The following LARP1 variants were observed in gnomAD, a reference collection of about 807,000 sequenced individuals.
LARP1 encodes la-related protein 1.
Under a neutral mutation model 122.7 loss-of-function variants are expected in LARP1, and 36 were observed. That is an observed-to-expected ratio of 0.29 (90% CI 0.22 to 0.39). LARP1 has a LOEUF of 0.39. Ranked by LOEUF, LARP1 falls within the 10% of genes least tolerant of loss-of-function variation. The pLI is 1.00. For synonymous variants in LARP1, 539 were observed against 528.7 expected, an observed-to-expected ratio of 1.02 and a Z score of -0.27; for missense variants, 1,040 against 1,403.6, an observed-to-expected ratio of 0.74 and a Z score of 4.14.
chr5:154,688,065 T>G (rs1316383834), intron 1 of LARP1, among the ~76,000 whole-genome samples: 1 of 152,030 alleles, frequency 6.6e-6, no homozygotes, highest in Non-Finnish European at 1.5e-5. Flanking sequence ...GGCCAAGAAG[T>G]GAGTTGCCAC....
At chr5:154,713,260 C>T in intron 1 of LARP1, 1 of 699,134 alleles carries the variant, frequency 1.4e-6, no homozygotes, top group Non-Finnish European at 2.4e-6. Flanking sequence ...CGAGTCACTC[C>T]AGCTCTCTGA....
At position 154,723,362 on chromosome 5, in the gene LARP1, C is replaced by T. The variant is rs141814006; in HGVS notation, c.205+10232C>T. Among the ~76,000 whole-genome samples, 445 of 152,288 alleles carry T rather than the reference C, an allele frequency of 2.9e-3. 1 individual carries two copies. Among genetic ancestry groups the T allele is most frequent in the African/African-American group, 0.01 (432 of 41,546 alleles). ...TGGAGACTGGGGCAGCCAGAGCCCACGGTCCTGCTGGGATAGTCACCTTCA... is the reference window on the plus strand; with the variant it reads ...TGGAGACTGGGGCAGCCAGAGCCCATGGTCCTGCTGGGATAGTCACCTTCA... On this transcript the variant is annotated intron_variant, in intron 1 of 18. Coordinates refer to the LARP1 transcript ENST00000336314.
At chr5:154,734,618 TAC>T (rs2113422379) in intron 1 of LARP1, among the ~76,000 whole-genome samples, 1 of 152,294 alleles carries the variant, frequency 6.6e-6, no homozygotes, top group East Asian at 1.9e-4. Flanking sequence ...AGGGGGCGTA[TAC>T]AGGCAAATGT....
intron 1 of LARP1, among the ~76,000 whole-genome samples, chr5:154,745,335 G>A (rs1297774629): frequency 6.6e-6 from 1 of 152,134 alleles, no homozygotes; most frequent in African/African-American, 2.4e-5. Flanking sequence ...TTTAAAATGA[G>A]GTGACACTTG....
At chr5:154,778,622 A>G (rs556321851) in intron 1 of LARP1, among the ~76,000 whole-genome samples, 86 of 152,368 alleles carry the variant, frequency 5.6e-4, no homozygotes, top group Admixed American at 1.0e-3. Flanking sequence ...ACTGTGGATG[A>G]TAGGATTCTG....
chr5:154,786,895 T>G (rs12186610), intron 1 of LARP1, among the ~76,000 whole-genome samples: 15,010 of 151,538 alleles, frequency 0.099, 789 homozygotes, highest in Admixed American at 0.15. Flanking sequence ...TTTTTTTTTT[T>G]GGGATGGAAT....
chr5:154,723,386 C>A (rs1756002255), intron 1 of LARP1, among the ~76,000 whole-genome samples: 1 of 152,184 alleles, frequency 6.6e-6, no homozygotes, highest in South Asian at 2.1e-4. Context: ...TAGTCACCTT[C>A]AGGCCTCAAA....
At chr5:154,809,700 T>A (rs1759097260) in intron 16 of LARP1, among the ~76,000 whole-genome samples, 1 of 138,934 alleles carries the variant, frequency 7.2e-6, no homozygotes, top group African/African-American at 2.7e-5. Context: ...ATACTATTTC[T>A]TTTTTTTTTT....
chr5:154,690,667 A>T (rs6580104), intron 1 of LARP1, among the ~76,000 whole-genome samples: 2 of 151,970 alleles, frequency 1.3e-5, no homozygotes, highest in East Asian at 3.9e-4. Flanking sequence ...GAGGCTTTGT[A>T]CCCCCAGCTG....
At chr5:154,793,478 A>T (rs947553561) in intron 4 of LARP1, 117 bp from the exon 5 acceptor site, 6 of 1,304,000 alleles carry the variant, frequency 4.6e-6, no homozygotes, top group African/African-American at 1.5e-5. Flanking sequence ...GATCTGCCCA[A>T]GGTAACCAGA....
At position 154,793,704 on chromosome 5, in the gene LARP1, C is replaced by A; in HGVS notation, c.849C>A (p.Ala283=). Residue 283 remains alanine (A), a synonymous_variant, in exon 5 of 19, where the codon GCC becomes GCA. Transcript: ENST00000518297. ...TRPPEPRHIP[A]NRGEIKGSES... ...CACCGGAGCCTAGACACATACCTGC[C>A]AATCGCGGAGAGATCAAAGGTATGC... is the stretch of plus-strand genomic sequence containing the variant. The A allele has an allele frequency of 6.2e-7, 1 of 1,614,214 alleles. No homozygotes were observed. The highest frequency in any genetic ancestry group is 1.3e-5 in the African/African-American group (1 of 75,054).
At chr5:154,779,358 A>G (rs1756209823) in intron 1 of LARP1, among the ~76,000 whole-genome samples, 1 of 152,152 alleles carries the variant, frequency 6.6e-6, no homozygotes, top group South Asian at 2.1e-4. Context: ...TACTTAATTG[A>G]TGATGGCTCT....
upstream of LARP1, among the ~76,000 whole-genome samples, chr5:154,753,732 G>A (rs990596570): frequency 2.6e-5 from 4 of 152,312 alleles, no homozygotes; most frequent in East Asian, 7.7e-4. Flanking sequence ...GCTGGCCAAG[G>A]CTTGGAGGCT....
At chr5:154,712,035 C>T (rs1363592910), upstream of LARP1, among the ~76,000 whole-genome samples, 2 of 152,284 alleles carry the variant, frequency 1.3e-5, no homozygotes, top group East Asian at 3.9e-4. Flanking sequence ...ATCTAGATCC[C>T]CTCTCTCCAG....
intron 1 of LARP1, among the ~76,000 whole-genome samples, chr5:154,749,426 C>T (rs1410927571): frequency 6.6e-6 from 1 of 152,176 alleles, no homozygotes; most frequent in Non-Finnish European, 1.5e-5. Flanking sequence ...CTCTGAGCCT[C>T]CTTTCTCATC....
At chr5:154,797,777 C>T (rs973963912) in intron 8 of LARP1, among the ~76,000 whole-genome samples, 33 of 151,848 alleles carry the variant, frequency 2.2e-4, no homozygotes, top group African/African-American at 7.0e-4. Context: ...CAGCCTCAAC[C>T]GCCTGAAATC....
chr5:154,787,016 A>G (rs1465672714), intron 1 of LARP1, among the ~76,000 whole-genome samples: 1 of 152,048 alleles, frequency 6.6e-6, no homozygotes, highest in East Asian at 1.9e-4. Flanking sequence ...AGTAGCTGGA[A>G]TTACAGGCAT....
intron 1 of LARP1, chr5:154,718,819 C>T (rs1755676359): frequency 6.6e-6 from 1 of 152,220 alleles, no homozygotes; most frequent in Non-Finnish European, 1.5e-5. Flanking sequence ...GATCTCTCAA[C>T]AATGTCTGTT....
At chr5:154,736,850 G>C (rs538920551) in intron 1 of LARP1, among the ~76,000 whole-genome samples, 25 of 152,028 alleles carry the variant, frequency 1.6e-4, no homozygotes, top group Admixed American at 5.9e-4. Context: ...ACAGATGTGA[G>C]CCACCATCCC....
Sources: allele counts gnomAD v4.1 joint callset (sites outside exome capture counted in the v4.1 genomes callset), GRCh38; gene constraint gnomAD v4.1.1; transcripts MANE v1.5; gene names NCBI Gene and HGNC (gene_info 2026-07-23, HGNC 2026-07-21).